Variants in CNTNAP5 observed in about 807,000 individuals in gnomAD.
CNTNAP5 encodes contactin associated protein family member 5, also known as contactin-associated protein-like 5.
In CNTNAP5, 72 loss-of-function variants were observed where a neutral mutation model predicts 150.2. The observed-to-expected ratio is 0.48, with a 90% CI of 0.40 to 0.58. CNTNAP5 has a LOEUF of 0.58. Among genes scored for constraint, CNTNAP5 ranks in the 20% least tolerant of loss-of-function variants. The pLI, the probability that CNTNAP5 is intolerant of heterozygous loss-of-function variation, is 0.00. For missense variants in CNTNAP5, 1,636 were observed against 1,626.2 expected (o/e 1.01, Z -0.10); for synonymous variants, 672 against 619.8 (o/e 1.08, Z -1.25).
At chr2:124,671,846 G>A (rs896948971) in intron 13 of CNTNAP5, among the ~76,000 whole-genome samples, 3 of 151,980 alleles carry the variant, frequency 2.0e-5, no homozygotes, top group African/African-American at 7.3e-5. Context: ...CATTATGTTG[G>A]CCAGGCTGGT....
chr2:124,857,463 T>G (rs543410230), intron 19 of CNTNAP5, among the ~76,000 whole-genome samples: 1 of 151,944 alleles, frequency 6.6e-6, no homozygotes, highest in Admixed American at 6.6e-5. Context: ...ACTGCTCAAC[T>G]CCAACAGGAC....
chr2:124,560,518 CAAA>C lies in CNTNAP5; in HGVS notation c.1650-2683_1650-2681del, dbSNP rs11285774. On this transcript the variant is annotated intron_variant, in intron 10 of 23. Transcript: ENST00000682447. ...TGGGTGACAGAGCAAGACTCCATTT[CAAA>C]AAAAAAAAAAAAAAACTAAAGTGCA... 5.5e-5 allele frequency among the ~76,000 whole-genome samples: 7 copies of C among 126,910 alleles called. No homozygotes were observed. The East Asian group carries it at 7.0e-4, about 13-fold the overall frequency. 83.3% of individuals were successfully genotyped at this position (126,910 alleles called of 152,430 possible).
chr2:124,887,623 T>A (rs1191123415), intron 21 of CNTNAP5, among the ~76,000 whole-genome samples: 1 of 152,286 alleles, frequency 6.6e-6, no homozygotes, highest in East Asian at 1.9e-4. Context: ...AGGTGCCATA[T>A]GGAGGCAATT....
At chr2:124,783,446 TC>T (rs2104623131) in intron 17 of CNTNAP5, among the ~76,000 whole-genome samples, 1 of 152,274 alleles carries the variant, frequency 6.6e-6, no homozygotes, top group South Asian at 2.1e-4. Context: ...TATTAATATT[TC>T]TGCTTGTAAT....
At chr2:124,126,923 G>A (rs1183591547) in intron 1 of CNTNAP5, among the ~76,000 whole-genome samples, 4 of 152,116 alleles carry the variant, frequency 2.6e-5, no homozygotes, top group South Asian at 2.1e-4. Context: ...AATAATAAGA[G>A]CTATTTATGA....
At chr2:124,832,687 T>TTGCCA (rs539643993) in intron 19 of CNTNAP5, among the ~76,000 whole-genome samples, 9 of 152,082 alleles carry the variant, frequency 5.9e-5, no homozygotes, top group Non-Finnish European at 1.3e-4. Flanking sequence ...TAGGGAGAAC[T>TTGCCA]TGCCAAGTTG....
chr2:124,616,123 A>G (rs1340577239), intron 12 of CNTNAP5, among the ~76,000 whole-genome samples: 1 of 152,158 alleles, frequency 6.6e-6, no homozygotes, highest in Non-Finnish European at 1.5e-5. Flanking sequence ...GCAAATGAGC[A>G]TTAGCACTTG....
intron 6 of CNTNAP5, among the ~76,000 whole-genome samples, chr2:124,458,211 T>C (rs902263464): frequency 2.1e-5 from 3 of 145,346 alleles, no homozygotes; most frequent in Non-Finnish European, 4.5e-5. Flanking sequence ...TATATATATA[T>C]ATAATATATA....
chr2:124,238,328 A>C (rs897642263), intron 2 of CNTNAP5, among the ~76,000 whole-genome samples: 1 of 151,886 alleles, frequency 6.6e-6, no homozygotes, highest in South Asian at 2.1e-4. Context: ...AGAATCTCTC[A>C]TCTAGTGTGA....
chr2:124,493,230 C>A (rs190055101), intron 7 of CNTNAP5, among the ~76,000 whole-genome samples: 3 of 152,042 alleles, frequency 2.0e-5, no homozygotes, highest in Middle Eastern at 3.4e-3. Flanking sequence ...TCAAGATGAT[C>A]GTAAGATTTT....
chr2:124,855,419 C>G (rs1440175571), intron 19 of CNTNAP5, among the ~76,000 whole-genome samples: 7 of 152,040 alleles, frequency 4.6e-5, no homozygotes, highest in African/African-American at 1.2e-4. Context: ...GTGATCCGCC[C>G]ACCTCAGCCT....
intron 19 of CNTNAP5, 72 bp from the exon 20 acceptor site, chr2:124,865,234 G>A: frequency 8.0e-7 from 1 of 1,247,682 alleles, no homozygotes; most frequent in Admixed American, 2.5e-5. Flanking sequence ...TCAATTAAAA[G>A]ATAATCTGAT....
At chr2:124,744,095 G>C (rs988928354) in intron 13 of CNTNAP5, among the ~76,000 whole-genome samples, 1 of 152,144 alleles carries the variant, frequency 6.6e-6, no homozygotes, top group Non-Finnish European at 1.5e-5. Flanking sequence ...GGGTTTGGCT[G>C]TGTCCCCACC....
intron 3 of CNTNAP5, among the ~76,000 whole-genome samples, chr2:124,410,394 A>G (rs955744460): frequency 6.6e-6 from 1 of 151,756 alleles, no homozygotes; most frequent in African/African-American, 2.4e-5. Flanking sequence ...AGACATGTAC[A>G]GAACTCTCCA....
At chr2:124,868,568 C>T (rs545139496) in intron 20 of CNTNAP5, among the ~76,000 whole-genome samples, 3 of 152,184 alleles carry the variant, frequency 2.0e-5, no homozygotes, top group South Asian at 4.2e-4. Flanking sequence ...CAACCCTACA[C>T]CCCCCCTTAT....
intron 10 of CNTNAP5, among the ~76,000 whole-genome samples, chr2:124,531,248 C>T (rs113813300): frequency 2.4e-3 from 367 of 152,144 alleles, no homozygotes; most frequent in African/African-American, 8.5e-3. Context: ...TGAAGTTGAT[C>T]TGATAAGAGG....
At chr2:124,465,779 G>T (rs1218387805) in intron 6 of CNTNAP5, among the ~76,000 whole-genome samples, 1 of 152,138 alleles carries the variant, frequency 6.6e-6, no homozygotes, top group African/African-American at 2.4e-5. Context: ...TTGCATTCTA[G>T]CAGGAGAGGC....
chr2:124,792,363 T>G (rs1017493035), intron 18 of CNTNAP5, among the ~76,000 whole-genome samples: 1 of 152,222 alleles, frequency 6.6e-6, no homozygotes, highest in African/African-American at 2.4e-5. Flanking sequence ...AAAGGTGGAC[T>G]GACTTGCTAA....
intron 13 of CNTNAP5, among the ~76,000 whole-genome samples, chr2:124,742,762 G>A (rs1172122992): frequency 3.3e-5 from 5 of 152,002 alleles, no homozygotes; most frequent in Middle Eastern, 3.4e-3. Context: ...TTCCTCAGTC[G>A]TATTTTTTTT....
Sources: allele counts gnomAD v4.1 joint callset (sites outside exome capture counted in the v4.1 genomes callset), GRCh38; gene constraint gnomAD v4.1.1; transcripts MANE v1.5; gene names NCBI Gene and HGNC (gene_info 2026-07-23, HGNC 2026-07-21).